Variants in TEX14 observed in about 807,000 individuals in gnomAD.
TEX14 encodes inactive serine/threonine-protein kinase TEX14.
TEX14 carries 168 observed loss-of-function variants against 178.6 expected under a neutral mutation model. The observed-to-expected ratio is 0.94, with a 90% CI of 0.83 to 1.07. The LOEUF (loss-of-function observed/expected upper bound fraction) is 1.07. TEX14 is among the 50% of genes least tolerant of loss of function. The pLI, the probability that TEX14 is intolerant of heterozygous loss-of-function variation, is 0.00. For missense variants in TEX14, 1,730 were observed against 1,753.6 expected (o/e 0.99, Z 0.24); for synonymous variants, 626 against 634.1 (o/e 0.99, Z 0.19).
At chr17:58,603,887 C>CTCTGTG (rs1491278767) in intron 11 of TEX14, among the ~76,000 whole-genome samples, 2 of 105,286 alleles carry the variant, frequency 1.9e-5, no homozygotes, top group Non-Finnish European at 3.5e-5. Flanking sequence ...TGTGATTTTA[C>CTCTGTG]TGTGTGTGTG....
chr17:58,650,253 A>G (rs2046811523), intron 2 of TEX14, among the ~76,000 whole-genome samples: 1 of 150,542 alleles, frequency 6.6e-6, no homozygotes, highest in Non-Finnish European at 1.5e-5. Context: ...GGGTTTCACC[A>G]TGTTGGCCAG....
At chr17:58,601,654 A>T in intron 13 of TEX14, 152 bp downstream of exon 13, 1 of 671,422 alleles carries the variant, frequency 1.5e-6, no homozygotes, top group Non-Finnish European at 2.5e-6. Context: ...AGAGCATGCC[A>T]CTGTACTCCA....
At chr17:58,621,423 ACT>A (rs1240971998) in intron 5 of TEX14, among the ~76,000 whole-genome samples, 2 of 152,152 alleles carry the variant, frequency 1.3e-5, no homozygotes, top group African/African-American at 4.8e-5. Context: ...CAGAGCCCAC[ACT>A]CATTCCTCTC....
chr17:58,614,320 T>G (rs1196526557), intron 8 of TEX14, among the ~76,000 whole-genome samples: 2 of 152,198 alleles, frequency 1.3e-5, no homozygotes, highest in East Asian at 3.9e-4. Context: ...TGAAACCCTG[T>G]CTCTACTGAA....
chr17:58,565,718 G>C, intron 27 of TEX14, 29 bp downstream of exon 27: 1 of 1,553,538 alleles, frequency 6.4e-7, no homozygotes, highest in Non-Finnish European at 8.8e-7. Flanking sequence ...AAAAGAACCT[G>C]ATGAAAACAA....
intron 21 of TEX14, among the ~76,000 whole-genome samples, chr17:58,575,923 T>A (rs2044663894): frequency 6.6e-6 from 1 of 152,216 alleles, no homozygotes; most frequent in African/African-American, 2.4e-5. Context: ...ATTTAAACTC[T>A]CTGAACTTTG....
intron 1 of TEX14, among the ~76,000 whole-genome samples, chr17:58,670,941 AAAC>A (rs1422528214): frequency 6.6e-6 from 1 of 152,154 alleles, no homozygotes; most frequent in African/African-American, 2.4e-5. Flanking sequence ...TAATACTTCA[AAAC>A]AACGTGTACA....
intron 1 of TEX14, among the ~76,000 whole-genome samples, chr17:58,658,938 G>C (rs1159076024): frequency 6.6e-6 from 1 of 151,564 alleles, no homozygotes; most frequent in Non-Finnish European, 1.5e-5. Context: ...AGCTAGCACA[G>C]GTGCGTACCA....
At chr17:58,603,030 C>T (rs1356785085) in intron 11 of TEX14, among the ~76,000 whole-genome samples, 2 of 151,634 alleles carry the variant, frequency 1.3e-5, no homozygotes, top group Non-Finnish European at 2.9e-5. Flanking sequence ...TGCGCCACTG[C>T]ACTCCAGCCT....
chr17:58,690,123 A>G (rs1158945509), intron 1 of TEX14, among the ~76,000 whole-genome samples: 2 of 151,718 alleles, frequency 1.3e-5, no homozygotes, highest in Non-Finnish European at 2.9e-5. Context: ...TAAATTATAC[A>G]GCTATAGATA....
intron 1 of TEX14, among the ~76,000 whole-genome samples, chr17:58,684,360 G>A (rs1179693916): frequency 6.6e-6 from 1 of 151,906 alleles, no homozygotes; most frequent in Non-Finnish European, 1.5e-5. Flanking sequence ...TATCTGGGAG[G>A]CTGATACAGG....
chr17:58,662,365 G>C (rs1258213872), intron 1 of TEX14, among the ~76,000 whole-genome samples: 2 of 151,102 alleles, frequency 1.3e-5, no homozygotes, highest in Admixed American at 6.6e-5. Flanking sequence ...CAGGAGAATT[G>C]CTTGTACATA....
chr17:58,666,685 G>A (rs937872295), intron 1 of TEX14: 4 of 152,152 alleles, frequency 2.6e-5, no homozygotes, highest in Non-Finnish European at 5.9e-5. Flanking sequence ...TATTTCTCCT[G>A]ACAGGTAATT....
rs751367384 is a variant in TEX14 at position 58,601,827 on chromosome 17, T to C, written c.1657A>G (p.Ile553Val). ...ATACCCATTTCCTTTAGTTCTATGATTTCCATGTCAGGTGTCTCTCTGGGG... is the reference window on the plus strand; with the variant it reads ...ATACCCATTTCCTTTAGTTCTATGACTTCCATGTCAGGTGTCTCTCTGGGG... ...EHPRETPDMEIIELKEMGSQP... is the reference protein window; with the variant it reads ...EHPRETPDMEVIELKEMGSQP... Residue 553 changes from isoleucine to valine, a missense_variant, in exon 13 of 32, where the codon ATC becomes GTC. Physicochemically the swap from Ile to Val is conservative, Grantham distance 29 (BLOSUM62 3). Coordinates refer to ENST00000349033, the MANE Select transcript of TEX14 (RefSeq NM_031272.5). 1 of 1,613,152 alleles carries C rather than the reference T, an allele frequency of 6.2e-7. No individual in the cohort carries two copies. Among genetic ancestry groups the C allele is most frequent in the Non-Finnish European group, 8.5e-7 (1 of 1,179,990 alleles).
chr17:58,569,775 G>A lies in TEX14; in HGVS notation c.3818-515C>T, dbSNP rs945492242. ...ATTCACAAAATCCCTATCCCCCTGAGGGAAATTCCAAGAGTTATACCAAAG... is the reference window on the plus strand; with the variant it reads ...ATTCACAAAATCCCTATCCCCCTGAAGGAAATTCCAAGAGTTATACCAAAG... On this transcript the variant is annotated intron_variant, in intron 25 of 31. Coordinates refer to ENST00000349033, the MANE Select transcript of TEX14 (RefSeq NM_031272.5). The surrounding 1 kb of genome is among the most constrained non-coding windows in gnomAD (Gnocchi z 4.1). 2.0e-5 allele frequency among the ~76,000 whole-genome samples: 3 copies of A among 152,136 alleles called. No individual in the cohort carries two copies. The highest frequency in any genetic ancestry group is 4.4e-5 in the Non-Finnish European group (3 of 68,020).
chr17:58,567,671 C>G (rs185616733), intron 26 of TEX14: 1 of 152,164 alleles, frequency 6.6e-6, no homozygotes, highest in Admixed American at 6.5e-5. Context: ...CAGGCAAGCC[C>G]ATTATCAGAA....
chr17:58,682,907 G>C (rs2047524181), intron 1 of TEX14, among the ~76,000 whole-genome samples: 1 of 152,088 alleles, frequency 6.6e-6, no homozygotes. Context: ...TTTGAGAAGA[G>C]CCTCATTTCT....
chr17:58,558,917 C>A (rs1329214807), intron 30 of TEX14, among the ~76,000 whole-genome samples: 1 of 152,094 alleles, frequency 6.6e-6, no homozygotes, highest in Non-Finnish European at 1.5e-5. Context: ...CACCTGTAAT[C>A]CCAGCACTTT....
In TEX14 at chr17:58,562,568, C is replaced by T. The variant is rs534624833; in HGVS notation, c.4065-956G>A. On this transcript the variant is annotated intron_variant, in intron 28 of 31. Coordinates refer to ENST00000349033, the MANE Select transcript of TEX14 (RefSeq NM_031272.5). ...CGCCCAGGCTGGAGTGCAGCGGCAC[C>T]ATCTCAGCTCACTGCAACCTCTGCC... 2.6e-4 allele frequency among the ~76,000 whole-genome samples: 39 copies of T among 152,108 alleles called. 1 individual carries two copies. The East Asian group carries it at 7.6e-3, about 30-fold the overall frequency.
Sources: gnomAD v4.1 joint callset for allele counts (sites outside exome capture counted in the v4.1 genomes callset) on GRCh38, gnomAD v4.1.1 for gene constraint, Gnocchi (gnomAD v3.1) non-coding constraint, MANE v1.5 for transcripts, NCBI Gene and HGNC (gene_info 2026-07-23, HGNC 2026-07-21) for gene names.